Variants in ISG20 observed in about 807,000 individuals in gnomAD.
ISG20 encodes the protein interferon-stimulated gene 20 kDa protein.
A neutral mutation model predicts 11.1 loss-of-function variants in ISG20; 8 were observed. The observed-to-expected ratio is 0.72, with a 90% CI of 0.42 to 1.30. The LOEUF is 1.30. Ranked by LOEUF, ISG20 falls within the 50% of genes most tolerant of loss-of-function variation. The pLI is 0.01. For missense variants in ISG20, 243 were observed against 250.2 expected (o/e 0.97, Z 0.19); for synonymous variants, 110 against 101.7 (o/e 1.08, Z -0.49).
rs968276505 is a variant in ISG20, at chr15:88,643,975, T to C, written c.228+4381T>C. ...TCAGAAAGTTTAGGATTCTGGAGCATTTGTATTTGGGATGCTGTACCTGTA... is the reference window on the plus strand; with the variant it reads ...TCAGAAAGTTTAGGATTCTGGAGCACTTGTATTTGGGATGCTGTACCTGTA... On this transcript the variant is annotated intron_variant, in intron 2 of 3. Transcript: ENST00000306072. The surrounding 1 kb of genome is among the most constrained non-coding windows in gnomAD (Gnocchi z 4.4). Among the ~76,000 whole-genome samples, 3 of 152,106 alleles carry C rather than the reference T, an allele frequency of 2.0e-5. No individual in the cohort carries two copies. The highest frequency in any genetic ancestry group is 4.4e-5 in the Non-Finnish European group (3 of 68,018).
Position 88,656,328 on chromosome 15 carries a change from C to T in ISG20, c.*797C>T, listed in dbSNP as rs552762702. The T allele has an allele frequency of 3.9e-5, 6 of 152,258 alleles. No individual in the cohort carries two copies. The highest frequency in any genetic ancestry group is 7.2e-5 in the African/African-American group (3 of 41,546). The allele number at this position is 152,258 out of a possible 1,614,324, so 9.4% of individuals were successfully genotyped here. The stretch of plus-strand genomic sequence containing the variant: ...CAGGAAGAGTCACCGCACTCTGTTT[C>T]GGGGCTCGGCTCTCTGAGGGGAGGG... On this transcript the variant is annotated 3_prime_UTR_variant, in exon 4 of 4. Coordinates refer to ENST00000306072, the MANE Select transcript of ISG20 (RefSeq NM_002201.6).
In ISG20 at chr15:88,645,155, G is replaced by A. The variant is rs898219321; in HGVS notation, c.228+5561G>A. 3.9e-5 allele frequency among the ~76,000 whole-genome samples: 6 copies of A among 152,098 alleles called. No individual in the cohort carries two copies. The East Asian group carries it at 5.8e-4, about 15-fold the overall frequency. On this transcript the variant is annotated intron_variant, in intron 2 of 3. Transcript: ENST00000306072. Reference sequence around the variant, plus strand: ...CAGGCAGGTCTTTGGAACCACATCCGGGCTTCTCAGTTCCTGCTCCATCAC... The same window carrying A: ...CAGGCAGGTCTTTGGAACCACATCCAGGCTTCTCAGTTCCTGCTCCATCAC...
chr15:88,650,313 T>C lies in ISG20; in HGVS notation c.229-1797T>C, dbSNP rs2058252190. 1 of 1,535,616 alleles carries C rather than the reference T, an allele frequency of 6.5e-7. No individual in the cohort carries two copies. Among genetic ancestry groups the C allele is most frequent in the Non-Finnish European group, 8.7e-7 (1 of 1,146,862 alleles). ...TGTGTGACCAGAGCAGGGCAGGCTG[T>C]CCATGTGGGAGGCGAGGCGAGGAAC... On this transcript the variant is annotated intron_variant, in intron 2 of 3. Transcript: ENST00000306072. This position sits in a 1 kb window ranked among gnomAD's most constrained non-coding sequence, Gnocchi z 4.0.
upstream of ISG20, chr15:88,637,251 T>TA (rs1362875407): frequency 6.6e-6 from 1 of 151,732 alleles, no homozygotes; most frequent in African/African-American, 2.4e-5. Flanking sequence ...GGCCTTAAAT[T>TA]GGATAGTGAT....
At chr15:88,654,019 C>T (rs998543710) in intron 3 of ISG20, among the ~76,000 whole-genome samples, 4 of 152,110 alleles carry the variant, frequency 2.6e-5, no homozygotes, top group African/African-American at 9.7e-5. Context: ...AACAGAGGCC[C>T]AGAGAGGAAA....
At chr15:88,655,074 T>C (rs2058352577) in intron 3 of ISG20, among the ~76,000 whole-genome samples, 1 of 152,256 alleles carries the variant, frequency 6.6e-6, no homozygotes. Flanking sequence ...CACTCCCTCC[T>C]CAGTGTCCTG....
intron 2 of ISG20, among the ~76,000 whole-genome samples, chr15:88,642,087 G>A (rs549046791): frequency 2.6e-5 from 4 of 151,902 alleles, no homozygotes; most frequent in East Asian, 3.9e-4. Context: ...CCGCCACCAC[G>A]CCTGGCTAAT....
rs1446473285 is a variant in ISG20 at position 88,655,565 on chromosome 15, G to A, written c.*34G>A. 1.3e-6 allele frequency: 2 copies of A among 1,519,912 alleles called. No individual in the cohort carries two copies. Among genetic ancestry groups the A allele is most frequent in the Middle Eastern group, 1.7e-4 (1 of 5,836 alleles). 94.2% of individuals were successfully genotyped at this position (1,519,912 alleles called of 1,614,324 possible). On this transcript the variant is annotated 3_prime_UTR_variant, in exon 4 of 4. Transcript: ENST00000306072. ...CCAGCCCGTTCCGCAGGGACTAGAG[G>A]CTTTCGGCTTTTTGGGACAGCAACT...
intron 2 of ISG20, chr15:88,648,676 C>G (rs371367489): frequency 6.6e-6 from 1 of 152,388 alleles, no homozygotes; most frequent in African/African-American, 2.4e-5. Context: ...CTGCAGCTTT[C>G]AGCTGACTAG....
intron 2 of ISG20, among the ~76,000 whole-genome samples, chr15:88,646,415 C>G (rs1209578772): frequency 6.6e-6 from 1 of 152,186 alleles, no homozygotes; most frequent in Admixed American, 6.5e-5. Context: ...CTGTGGTGTT[C>G]AGATCCCATG....
At chr15:88,646,505 G>A (rs190591481) in intron 2 of ISG20, among the ~76,000 whole-genome samples, 96 of 152,328 alleles carry the variant, frequency 6.3e-4, no homozygotes, top group Non-Finnish European at 1.2e-3. Flanking sequence ...GCACATGGGT[G>A]GAAATGTGGC....
rs1025834196 is a variant in ISG20 at position 88,639,916 on chromosome 15, C to A, written c.228+322C>A. ...TCCCCATTCTTCCCTCTACCCCAGGCTGCCACTGGTGAGACCTGTGGGGAA... is the reference window on the plus strand; with the variant it reads ...TCCCCATTCTTCCCTCTACCCCAGGATGCCACTGGTGAGACCTGTGGGGAA... On this transcript the variant is annotated intron_variant, in intron 2 of 3. Transcript: ENST00000306072. This position sits in a 1 kb window ranked among gnomAD's most constrained non-coding sequence, Gnocchi z 4.2. 2.6e-5 allele frequency among the ~76,000 whole-genome samples: 4 copies of A among 152,234 alleles called. No homozygotes were observed. Among genetic ancestry groups the A allele is most frequent in the African/African-American group, 9.6e-5 (4 of 41,468 alleles).
At chr15:88,641,678 C>G (rs529261282) in intron 2 of ISG20, among the ~76,000 whole-genome samples, 1 of 152,296 alleles carries the variant, frequency 6.6e-6, no homozygotes, top group African/African-American at 2.4e-5. Flanking sequence ...GTCGCCCAGG[C>G]TGGAGTGCAG....
intron 2 of ISG20, among the ~76,000 whole-genome samples, chr15:88,642,192 T>C (rs545523629): frequency 6.6e-6 from 1 of 152,126 alleles, no homozygotes; most frequent in East Asian, 1.9e-4. Flanking sequence ...GCCTCCCAAA[T>C]TGCTGGGATT....
Position 88,639,749 on chromosome 15 carries a change from C to T in ISG20, c.228+155C>T, listed in dbSNP as rs2058049797. Among the ~76,000 whole-genome samples, 1 of 152,226 alleles carries T rather than the reference C, an allele frequency of 6.6e-6. No individual in the cohort carries two copies. The highest frequency in any genetic ancestry group is 1.5e-5 in the Non-Finnish European group (1 of 68,042). On this transcript the variant is annotated intron_variant, in intron 2 of 3. Transcript: ENST00000306072. The surrounding 1 kb of genome is among the most constrained non-coding windows in gnomAD (Gnocchi z 4.2). ...AAGCCGGTGGTGTCTCCATCACATCCTGGAGAAGGCTTCCTGTCTTCAGAG... is the reference window on the plus strand; with the variant it reads ...AAGCCGGTGGTGTCTCCATCACATCTTGGAGAAGGCTTCCTGTCTTCAGAG...
Position 88,655,789 on chromosome 15 carries a change from T to C in ISG20, c.*258T>C. Reference sequence around the variant, plus strand: ...TCAATTTCCTTAATATCTTGAATCCTGTGGGTCCAAAATGTGGCTTGGAAA... The same window carrying C: ...TCAATTTCCTTAATATCTTGAATCCCGTGGGTCCAAAATGTGGCTTGGAAA... On this transcript the variant is annotated 3_prime_UTR_variant, in exon 4 of 4. Transcript: ENST00000306072. 1 of 329,468 alleles carries C rather than the reference T, an allele frequency of 3.0e-6. No individual in the cohort carries two copies. The highest frequency in any genetic ancestry group is 5.6e-6 in the Non-Finnish European group (1 of 179,922). The allele number at this position is 329,468 out of a possible 1,614,324, so 20.4% of individuals were successfully genotyped here. A position where few individuals can be genotyped will look rare whatever the true frequency, so the allele number is the denominator to read the frequency against.
chr15:88,644,457 G>C (rs779332814), intron 2 of ISG20, among the ~76,000 whole-genome samples: 1 of 151,248 alleles, frequency 6.6e-6, no homozygotes, highest in Non-Finnish European at 1.5e-5. Context: ...GCTTGAACCC[G>C]GGAGGCGGAG....
rs987980991 is a variant in ISG20 at position 88,656,210 on chromosome 15, G to A, written c.*679G>A. 3 of 152,178 alleles carry A rather than the reference G, an allele frequency of 2.0e-5. No individual in the cohort carries two copies. Among genetic ancestry groups the A allele is most frequent in the Admixed American group, 6.5e-5 (1 of 15,276 alleles). 9.4% of individuals were successfully genotyped at this position (152,178 alleles called of 1,614,324 possible). A position where few individuals can be genotyped will look rare whatever the true frequency, so the allele number is the denominator to read the frequency against. The stretch of plus-strand genomic sequence containing the variant: ...GTATTTGTGAGATGTTGCAGGCAAA[G>A]CCCCCAGCACCATGCCTGTCCTAGC... On this transcript the variant is annotated 3_prime_UTR_variant, in exon 4 of 4. Coordinates refer to ENST00000306072, the MANE Select transcript of ISG20 (RefSeq NM_002201.6).
At chr15:88,652,625 T>C (rs1209748518) in intron 3 of ISG20, among the ~76,000 whole-genome samples, 2 of 101,968 alleles carry the variant, frequency 2.0e-5, no homozygotes, top group Non-Finnish European at 4.0e-5. Context: ...CCTCCTCCCC[T>C]GTCCCCTCCC....
Sources: allele counts gnomAD v4.1 joint callset (sites outside exome capture counted in the v4.1 genomes callset), GRCh38; gene constraint gnomAD v4.1.1; non-coding constraint Gnocchi (gnomAD v3.1); transcripts MANE v1.5; gene names NCBI Gene and HGNC (gene_info 2026-07-23, HGNC 2026-07-21).